The following ANO5 variants were observed in gnomAD, a reference collection of about 807,000 sequenced individuals.
ANO5 encodes the protein anoctamin-5.
A neutral mutation model predicts 121.0 loss-of-function variants in ANO5; 109 were observed. The ratio of observed to expected loss-of-function variants is 0.90; its 90% CI spans 0.77 to 1.06. The LOEUF (loss-of-function observed/expected upper bound fraction) is 1.06, where lower values mean the gene tolerates loss of function less well. ANO5 is among the 50% of genes least tolerant of loss of function. ANO5 has a pLI of 0.00. For synonymous variants in ANO5, 406 were observed against 359.9 expected, an observed-to-expected ratio of 1.13 and a Z score of -1.45; for missense variants, 1,064 against 1,078.5, an observed-to-expected ratio of 0.99 and a Z score of 0.19.
intron 1 of ANO5, among the ~76,000 whole-genome samples, chr11:22,199,706 T>C (rs1317437950): frequency 2.0e-5 from 3 of 152,098 alleles, no homozygotes; most frequent in Admixed American, 1.3e-4. Context: ...TGATAAAATA[T>C]AGGTATTCTC....
intron 12 of ANO5, among the ~76,000 whole-genome samples, chr11:22,252,812 TA>T (rs1853872184): frequency 6.6e-6 from 1 of 152,192 alleles, no homozygotes; most frequent in African/African-American, 2.4e-5. Context: ...TCATTTTATT[TA>T]TACTTTAATA....
intron 13 of ANO5, 58 bp from the exon 14 acceptor site, chr11:22,257,622 G>T: frequency 2.2e-6 from 3 of 1,380,586 alleles, no homozygotes; most frequent in Admixed American, 1.7e-5. Flanking sequence ...ACTAGTGCTT[G>T]GAGTCTTGAC....
chr11:22,268,762 T>C (rs1223044328), intron 17 of ANO5, among the ~76,000 whole-genome samples: 1 of 152,204 alleles, frequency 6.6e-6, no homozygotes, highest in Middle Eastern at 3.2e-3. Context: ...ATGCCTGTAA[T>C]CCTAACATTT....
chr11:22,211,115 T>C (rs1852262457), intron 2 of ANO5, 149 bp from the exon 3 acceptor site: 2 of 847,450 alleles, frequency 2.4e-6, no homozygotes, highest in African/African-American at 1.7e-5. Context: ...CATACACATA[T>C]ATGCCCACAG....
intron 8 of ANO5, among the ~76,000 whole-genome samples, chr11:22,238,983 C>T (rs888088079): frequency 2.6e-5 from 4 of 152,168 alleles, no homozygotes; most frequent in Non-Finnish European, 5.9e-5. Context: ...CAATACTTTG[C>T]TAGGCCATGA....
intron 3 of ANO5, among the ~76,000 whole-genome samples, chr11:22,214,699 C>A (rs1249025435): frequency 6.6e-6 from 1 of 152,046 alleles, no homozygotes; most frequent in Admixed American, 6.6e-5. Context: ...ACTATCTATT[C>A]TTTCCAATCA....
chr11:22,225,201 T>A (rs1852783623), intron 5 of ANO5, among the ~76,000 whole-genome samples: 1 of 152,098 alleles, frequency 6.6e-6, no homozygotes, highest in Admixed American at 6.6e-5. Context: ...TTCACACCTA[T>A]AATCCCAGTG....
At chr11:22,193,045 C>G (rs1851694923), upstream of ANO5, 2 of 1,018,748 alleles carry the variant, frequency 2.0e-6, no homozygotes, top group South Asian at 3.7e-5. Context: ...GAAACAGGGA[C>G]GCAGCGAAGG....
At chr11:22,208,382 G>C (rs1387928604) in intron 2 of ANO5, among the ~76,000 whole-genome samples, 1 of 151,864 alleles carries the variant, frequency 6.6e-6, no homozygotes, top group Non-Finnish European at 1.5e-5. Flanking sequence ...AACACAACTT[G>C]GATAGATCTC....
intron 3 of ANO5, among the ~76,000 whole-genome samples, chr11:22,217,750 A>T (rs1481017502): frequency 1.3e-5 from 2 of 151,868 alleles, no homozygotes. Context: ...GGACTCATAG[A>T]AGGAAATAAC....
intron 1 of ANO5, among the ~76,000 whole-genome samples, chr11:22,197,655 C>T (rs536287506): frequency 6.6e-6 from 1 of 152,204 alleles, no homozygotes; most frequent in South Asian, 2.1e-4. Context: ...ACTGAGAAGA[C>T]CAGTTGGTAA....
In ANO5 at chr11:22,269,969, G is replaced by A. The variant is rs926390550; in HGVS notation, c.1899-343G>A. Among the ~76,000 whole-genome samples the A allele has an allele frequency of 7.2e-5, 11 of 152,172 alleles. No individual in the cohort carries two copies. In the South Asian group the frequency reaches 1.0e-3, roughly 14 times the overall value. On this transcript the variant is annotated intron_variant, in intron 17 of 21. Transcript: ENST00000324559. The stretch of plus-strand genomic sequence containing the variant: ...TTCATATTTGTTTGAATTTTCTTCT[G>A]AGCATCATGACAGCATCAGGATTAG...
At chr11:22,274,469 G>A (rs2133794057) in intron 19 of ANO5, 100 bp from the exon 20 acceptor site, 1 of 1,079,180 alleles carries the variant, frequency 9.3e-7, no homozygotes. Context: ...TAATCATTTT[G>A]CATCTATATA....
chr11:22,274,548 C>T (rs1039743578), intron 19 of ANO5, 21 bp from the exon 20 acceptor site: 10 of 1,267,032 alleles, frequency 7.9e-6, no homozygotes, highest in South Asian at 3.0e-5. Flanking sequence ...TGATCTTCCT[C>T]TTTTTTTTTT....
Position 22,193,577 on chromosome 11 carries a change from C to T in ANO5, c.40+45C>T, listed in dbSNP as rs747934380. The T allele has an allele frequency of 3.1e-6, 5 of 1,598,204 alleles. No homozygotes were observed. In the South Asian group the frequency reaches 5.6e-5, roughly 18 times the overall value. On this transcript the variant is annotated intron_variant, in intron 1 of 21. Transcript: ENST00000324559. ...CGTCAAGGGAGAGCCAGGCTGGCTGCCTGCACCCCTCCACCCGCGGCGCAG... is the reference window on the plus strand; with the variant it reads ...CGTCAAGGGAGAGCCAGGCTGGCTGTCTGCACCCCTCCACCCGCGGCGCAG...
intron 9 of ANO5, among the ~76,000 whole-genome samples, chr11:22,243,456 T>G (rs908223434): frequency 2.0e-5 from 3 of 152,060 alleles, no homozygotes; most frequent in African/African-American, 7.2e-5. Flanking sequence ...AAGCCTTTCC[T>G]TTTTGAGTTT....
chr11:22,277,780 T>A (rs538343023), intron 21 of ANO5: 15 of 151,422 alleles, frequency 9.9e-5, no homozygotes, highest in Non-Finnish European at 1.3e-4. Flanking sequence ...TTTGTAATCA[T>A]TGCAGGCTCC....
rs1854752930 is a variant in ANO5 at position 22,274,435 on chromosome 11, A to G, written c.2236-134A>G. On this transcript the variant is annotated intron_variant, in intron 19 of 21. Transcript: ENST00000324559. Reference sequence around the variant, plus strand: ...TGTGTTTCAGGACAAAGACTTGCATATTACTATGATTTATAATAGTATTTA... The same window carrying G: ...TGTGTTTCAGGACAAAGACTTGCATGTTACTATGATTTATAATAGTATTTA... 5 of 838,622 alleles carry G rather than the reference A, an allele frequency of 6.0e-6. No homozygotes were observed. The South Asian group carries it at 1.0e-4, about 17-fold the overall frequency. 51.9% of individuals were successfully genotyped at this position (838,622 alleles called of 1,614,324 possible).
intron 8 of ANO5, among the ~76,000 whole-genome samples, chr11:22,237,660 C>T (rs180829484): frequency 6.6e-6 from 1 of 152,068 alleles, no homozygotes; most frequent in Non-Finnish European, 1.5e-5. Context: ...AGAATTTACT[C>T]CAGGTCAGTT....
Sources: allele counts gnomAD v4.1 joint callset (sites outside exome capture counted in the v4.1 genomes callset), GRCh38; gene constraint gnomAD v4.1.1; transcripts MANE v1.5; gene names NCBI Gene and HGNC (gene_info 2026-07-23, HGNC 2026-07-21).